The following DENND11 variants were observed in gnomAD, a reference collection of about 807,000 sequenced individuals.
The protein encoded by DENND11 is DENN domain containing 11.
DENND11 carries 34 observed loss-of-function variants against 49.2 expected under a neutral mutation model. That is an observed-to-expected ratio of 0.69 (90% CI 0.53 to 0.92). DENND11 has a LOEUF of 0.92. DENND11 is among the 40% of genes least tolerant of loss of function. DENND11 has a pLI of 0.00. For missense variants in DENND11, 475 were observed against 581.6 expected (o/e 0.82, Z 1.88); for synonymous variants, 238 against 230.3 (o/e 1.03, Z -0.30).
chr7:141,700,478 A>C (rs868368917), intron 1 of DENND11, among the ~76,000 whole-genome samples: 3,709 of 130,168 alleles, frequency 0.028, 97 homozygotes, highest in South Asian at 0.15. Flanking sequence ...ACACTGTCTG[A>C]AAAAAAAAAA....
chr7:141,694,555 T>C (rs533320329), intron 1 of DENND11, among the ~76,000 whole-genome samples: 2 of 152,286 alleles, frequency 1.3e-5, no homozygotes, highest in African/African-American at 4.8e-5. Context: ...GTATATGTAT[T>C]CACGCCCAGC....
chr7:141,696,087 G>C (rs749041132), intron 1 of DENND11, among the ~76,000 whole-genome samples: 2 of 152,190 alleles, frequency 1.3e-5, no homozygotes, highest in African/African-American at 2.4e-5. Flanking sequence ...GGCAAAGCCA[G>C]AAGGTCAGTG....
Position 141,664,086 on chromosome 7 carries a change from G to A in DENND11, c.1172+86C>T, listed in dbSNP as rs577018472. 7.9e-5 allele frequency: 90 copies of A among 1,140,626 alleles called. 1 individual carries two copies. The highest frequency in any genetic ancestry group is 2.0e-4 in the Middle Eastern group (1 of 5,024). The allele number at this position is 1,140,626 out of a possible 1,614,324, so 70.7% of individuals were successfully genotyped here. A position where few individuals can be genotyped will look rare whatever the true frequency, so the allele number is the denominator to read the frequency against. ...CAGCAATAAACGGCATCCCTGGCCC[G>A]CAGTGAATGACATGGGAGGGATGCA... On this transcript the variant is annotated intron_variant, in intron 8 of 8. Transcript: ENST00000536163.
intron 1 of DENND11, among the ~76,000 whole-genome samples, chr7:141,701,314 C>T (rs1329535095): frequency 6.6e-6 from 1 of 151,210 alleles, no homozygotes; most frequent in Admixed American, 6.6e-5. Flanking sequence ...AGAAAGTGAA[C>T]TTGGCCGCTA....
chr7:141,665,943 C>CA (rs2117052882), intron 5 of DENND11, among the ~76,000 whole-genome samples: 1 of 151,886 alleles, frequency 6.6e-6, no homozygotes, highest in Admixed American at 6.6e-5. Flanking sequence ...GTGGCCCCAC[C>CA]ACCCTTGTTA....
intron 4 of DENND11, among the ~76,000 whole-genome samples, chr7:141,672,260 T>C (rs1797994525): frequency 6.6e-6 from 1 of 152,224 alleles, no homozygotes; most frequent in African/African-American, 2.4e-5. Flanking sequence ...TAGTCCCCAG[T>C]GATCCCCACC....
chr7:141,676,350 G>A (rs1213934433), intron 3 of DENND11, among the ~76,000 whole-genome samples: 3 of 152,174 alleles, frequency 2.0e-5, no homozygotes, highest in African/African-American at 4.8e-5. Flanking sequence ...GCTGTGTCAA[G>A]GGAAATATTT....
At chr7:141,679,965 T>C (rs1798124455) in intron 3 of DENND11, among the ~76,000 whole-genome samples, 1 of 152,226 alleles carries the variant, frequency 6.6e-6, no homozygotes, top group Non-Finnish European at 1.5e-5. Context: ...GCATTACTAC[T>C]GGGCATGCAA....
intron 1 of DENND11, among the ~76,000 whole-genome samples, chr7:141,693,496 T>A (rs1027654347): frequency 1.3e-5 from 2 of 152,226 alleles, no homozygotes; most frequent in African/African-American, 4.8e-5. Flanking sequence ...CCTTTGTATT[T>A]ATCCAAATGA....
intron 3 of DENND11, among the ~76,000 whole-genome samples, chr7:141,678,911 A>AT (rs1798107246): frequency 6.6e-6 from 1 of 152,156 alleles, no homozygotes; most frequent in East Asian, 1.9e-4. Flanking sequence ...CTCTAATTTA[A>AT]TTTTTTAAAT....
Position 141,674,118 on chromosome 7 carries a change from G to C in DENND11, c.630C>G (p.Pro210=), listed in dbSNP as rs1224596134. 1 of 1,600,022 alleles carries C rather than the reference G, an allele frequency of 6.2e-7. No homozygotes were observed. Among genetic ancestry groups the C allele is most frequent in the Non-Finnish European group, 8.5e-7 (1 of 1,173,544 alleles). ...GGATGGAAGGCAGCCAGTAGACAGG[G>C]GGCAGGCTGCTGCCTCTGCCGGGAC... is the stretch of plus-strand genomic sequence containing the variant. ...HAGPGRGSSL[P]PVYWLPSIHR... The change falls in exon 4 of 9, where the codon CCC becomes CCG. Residue 210 remains proline (P), a synonymous_variant. Coordinates refer to ENST00000536163, the MANE Select transcript of DENND11 (RefSeq NM_001080392.2).
intron 1 of DENND11, among the ~76,000 whole-genome samples, chr7:141,701,396 CGGGGAGCGGGGGACGGGGTGGGG>C: frequency 6.8e-5 from 2 of 29,554 alleles, no homozygotes; most frequent in Middle Eastern, 0.05. Context: ...GGGGGGCGAG[CGGGGAGCGGGGGACGGGGTGGGG>C]GGCGAGCGGG....
intron 3 of DENND11, among the ~76,000 whole-genome samples, chr7:141,683,952 G>A (rs1798190090): frequency 6.6e-6 from 1 of 152,138 alleles, no homozygotes; most frequent in South Asian, 2.1e-4. Flanking sequence ...TTTTTAAACA[G>A]GGTCTTGCTC....
rs144975514 is a variant in DENND11, at chr7:141,675,068, T to A, written c.528-848A>T. Among the ~76,000 whole-genome samples, 28 of 152,286 alleles carry A rather than the reference T, an allele frequency of 1.8e-4. 1 individual carries two copies. Among genetic ancestry groups the A allele is most frequent in the African/African-American group, 6.5e-4 (27 of 41,560 alleles). On this transcript the variant is annotated intron_variant, in intron 3 of 8. Coordinates refer to ENST00000536163, the MANE Select transcript of DENND11 (RefSeq NM_001080392.2). Reference sequence around the variant, plus strand: ...GACTTTTTTGGATAGCATCTTTACATAGGTAATCAAGTTAAAATGAAGTTA... The same window carrying A: ...GACTTTTTTGGATAGCATCTTTACAAAGGTAATCAAGTTAAAATGAAGTTA...
At chr7:141,691,730 C>G (rs547869806) in intron 1 of DENND11, among the ~76,000 whole-genome samples, 61 of 152,310 alleles carry the variant, frequency 4.0e-4, no homozygotes, top group African/African-American at 1.4e-3. Flanking sequence ...TTCCTGCTGA[C>G]AACTCCTTGA....
Position 141,674,106 on chromosome 7 carries a change from C to T in DENND11, c.642G>A (p.Trp214Ter). The change falls in exon 4 of 9, where the codon TGG (tryptophan) becomes TGA (stop). Residue 214 changes from tryptophan (W) to a stop codon, truncating the protein, a stop_gained. Transcript: ENST00000536163. LOFTEE classifies it high-confidence loss of function. The part of the protein sequence containing the change: ...GRGSSLPPVY[W>*]LPSIHRYMYP... Reference sequence around the variant, plus strand: ...ACATGTATCGGTGGATGGAAGGCAGCCAGTAGACAGGGGGCAGGCTGCTGC... The same window carrying T: ...ACATGTATCGGTGGATGGAAGGCAGTCAGTAGACAGGGGGCAGGCTGCTGC... The T allele has an allele frequency of 6.2e-7, 1 of 1,602,576 alleles. No homozygotes were observed. The highest frequency in any genetic ancestry group is 8.5e-7 in the Non-Finnish European group (1 of 1,174,784).
intron 1 of DENND11, among the ~76,000 whole-genome samples, chr7:141,691,356 T>TGA (rs1798324508): frequency 6.6e-6 from 1 of 152,200 alleles, no homozygotes; most frequent in South Asian, 2.1e-4. Flanking sequence ...CACCTGATCG[T>TGA]TACATGAAAA....
intron 1 of DENND11, among the ~76,000 whole-genome samples, chr7:141,689,072 T>C (rs1798286777): frequency 6.6e-6 from 1 of 152,214 alleles, no homozygotes; most frequent in Admixed American, 6.5e-5. Context: ...CAACCCAGCC[T>C]GCCCATGACT....
intron 1 of DENND11, among the ~76,000 whole-genome samples, chr7:141,687,206 C>T (rs1304231402): frequency 6.6e-6 from 1 of 152,156 alleles, no homozygotes; most frequent in Non-Finnish European, 1.5e-5. Flanking sequence ...ACCTCTCTGA[C>T]CAATGTAACT....
Sources: gnomAD v4.1 joint callset for allele counts (sites outside exome capture counted in the v4.1 genomes callset) on GRCh38, gnomAD v4.1.1 for gene constraint, MANE v1.5 for transcripts, NCBI Gene and HGNC (gene_info 2026-07-23, HGNC 2026-07-21) for gene names.